The following AMBRA1 variants were observed in gnomAD, a reference collection of about 807,000 sequenced individuals.
The protein encoded by AMBRA1 is autophagy and beclin 1 regulator 1.
In AMBRA1, 47 loss-of-function variants were observed where a neutral mutation model predicts 125.4. That is an observed-to-expected ratio of 0.37 (90% CI 0.30 to 0.48). The LOEUF (loss-of-function observed/expected upper bound fraction) is 0.48. Ranked by LOEUF, AMBRA1 falls within the 20% of genes least tolerant of loss-of-function variation. AMBRA1 has a pLI of 0.99. For synonymous variants in AMBRA1, 626 were observed against 655.5 expected (o/e 0.95, Z 0.69); for missense variants, 1,331 against 1,693.4 (o/e 0.79, Z 3.76).
At chr11:46,423,136 T>C (rs1946929870) in intron 14 of AMBRA1, among the ~76,000 whole-genome samples, 1 of 152,182 alleles carries the variant, frequency 6.6e-6, no homozygotes, top group Admixed American at 6.5e-5. Context: ...TGGAAATGGA[T>C]GGCTACATAT....
rs1334542311 is a variant in AMBRA1 at position 46,397,933 on chromosome 11, T to C, written c.3414A>G (p.Ser1138=). The C allele has an allele frequency of 2.5e-6, 4 of 1,590,906 alleles. No homozygotes were observed. The highest frequency in any genetic ancestry group is 3.4e-6 in the Non-Finnish European group (4 of 1,173,060). Residue 1138 remains serine (S), a synonymous_variant, in exon 18 of 18, where the codon TCA becomes TCG. Transcript: ENST00000683756. ...AASGPGEGEG[S]EYGASGEDAL... ...CATCTTCTCCACTGGCACCATACTCTGAACCCTCACCTGGCAGATACAAAG... is the reference window on the plus strand; with the variant it reads ...CATCTTCTCCACTGGCACCATACTCCGAACCCTCACCTGGCAGATACAAAG...
At chr11:46,577,398 T>C (rs1024661524) in intron 1 of AMBRA1, among the ~76,000 whole-genome samples, 1 of 152,082 alleles carries the variant, frequency 6.6e-6, no homozygotes, top group Non-Finnish European at 1.5e-5. Context: ...TTACATGAAA[T>C]ATCCAGAATA....
intron 11 of AMBRA1, among the ~76,000 whole-genome samples, chr11:46,448,132 A>G (rs1236378839): frequency 6.6e-6 from 1 of 152,212 alleles, no homozygotes; most frequent in South Asian, 2.1e-4. Flanking sequence ...ATTAAAATAA[A>G]CTGTCTAGGC....
chr11:46,461,536 T>C lies in AMBRA1; in HGVS notation c.2522-17938A>G, dbSNP rs184844599. Among the ~76,000 whole-genome samples, 657 of 152,178 alleles carry C rather than the reference T, an allele frequency of 4.3e-3. 3 individuals are homozygous for C. The highest frequency in any genetic ancestry group is 0.015 in the African/African-American group (612 of 41,442). ...CAATCTTAAGCCTTGACCAACATAGTATGGGGGAGGTCATAATTGGCTAAA... is the reference window on the plus strand; with the variant it reads ...CAATCTTAAGCCTTGACCAACATAGCATGGGGGAGGTCATAATTGGCTAAA... On this transcript the variant is annotated intron_variant, in intron 11 of 17. Coordinates refer to ENST00000683756, the MANE Select transcript of AMBRA1 (RefSeq NM_001387011.1).
chr11:46,554,618 ACTT>A (rs1418154753), intron 1 of AMBRA1, among the ~76,000 whole-genome samples: 1 of 152,146 alleles, frequency 6.6e-6, no homozygotes, highest in Admixed American at 6.6e-5. Flanking sequence ...AGGATAAGGG[ACTT>A]CTCTCCTGAT....
intron 1 of AMBRA1, among the ~76,000 whole-genome samples, chr11:46,588,637 G>A (rs756046899): frequency 6.6e-6 from 1 of 151,464 alleles, no homozygotes; most frequent in Non-Finnish European, 1.5e-5. Context: ...ACAAAAATTA[G>A]CCAGCCACAT....
chr11:46,516,499 C>T lies in AMBRA1; in HGVS notation c.2073-3686G>A, dbSNP rs891693737. Among the ~76,000 whole-genome samples the T allele has an allele frequency of 1.3e-4, 18 of 139,910 alleles. No individual in the cohort carries two copies. In the East Asian group the frequency reaches 3.0e-3, roughly 23 times the overall value. The allele number at this position is 139,910 out of a possible 152,430, so 91.8% of individuals were successfully genotyped here. ...AGGCTGGAGTGCAGTGGCACGATCT[C>T]GGCTCACTGCAAGCTCCGCCTCCTG... On this transcript the variant is annotated intron_variant, in intron 7 of 17. Transcript: ENST00000683756.
intron 12 of AMBRA1, 123 bp downstream of exon 12, chr11:46,443,365 T>C (rs919370232): frequency 2.9e-6 from 2 of 701,402 alleles, no homozygotes; most frequent in African/African-American, 3.5e-5. Context: ...GGTGCAGAAA[T>C]GGCATGTAGA....
intron 1 of AMBRA1, among the ~76,000 whole-genome samples, chr11:46,587,937 C>G (rs1264841479): frequency 6.6e-6 from 1 of 152,086 alleles, no homozygotes; most frequent in Non-Finnish European, 1.5e-5. Flanking sequence ...CAGAAAAAAA[C>G]ACGGTACCAA....
In AMBRA1 at chr11:46,456,854, G is replaced by A. The variant is rs573764020; in HGVS notation, c.2522-13256C>T. ...CACAGGGTAATAAACACTGGGAGATGGCAGAAATGAAGATAAATGCTTTCA... is the reference window on the plus strand; with the variant it reads ...CACAGGGTAATAAACACTGGGAGATAGCAGAAATGAAGATAAATGCTTTCA... On this transcript the variant is annotated intron_variant, in intron 11 of 17. Transcript: ENST00000683756. Among the ~76,000 whole-genome samples, 21 of 152,294 alleles carry A rather than the reference G, an allele frequency of 1.4e-4. No individual in the cohort carries two copies. The East Asian group carries it at 3.9e-3, about 28-fold the overall frequency.
At chr11:46,488,015 T>C (rs1348003958) in intron 11 of AMBRA1, among the ~76,000 whole-genome samples, 1 of 152,176 alleles carries the variant, frequency 6.6e-6, no homozygotes, top group African/African-American at 2.4e-5. Context: ...AGTAGCTATA[T>C]TAATATAAGA....
intron 11 of AMBRA1, among the ~76,000 whole-genome samples, chr11:46,488,460 AC>A (rs1450004335): frequency 3.3e-5 from 5 of 149,440 alleles, no homozygotes; most frequent in African/African-American, 1.0e-4. Context: ...ACAAAACAAA[AC>A]AAAAAAAAAA....
chr11:46,525,040 C>T (rs953221645), intron 7 of AMBRA1, among the ~76,000 whole-genome samples: 2 of 152,194 alleles, frequency 1.3e-5, no homozygotes, highest in Admixed American at 1.3e-4. Context: ...TGTCTCATGC[C>T]TGTAATCCCA....
At position 46,479,332 on chromosome 11, in the gene AMBRA1, G is replaced by A. The variant is rs548957364; in HGVS notation, c.2521+14276C>T. ...TGATTTAGGCCCTTCTGTATCCATG[G>A]CCTTAGAGAGTCTTCTTCCTGGTTT... On this transcript the variant is annotated intron_variant, in intron 11 of 17. Coordinates refer to ENST00000683756, the MANE Select transcript of AMBRA1 (RefSeq NM_001387011.1). 2.6e-5 allele frequency among the ~76,000 whole-genome samples: 4 copies of A among 152,334 alleles called. No individual in the cohort carries two copies. The South Asian group carries it at 8.3e-4, about 32-fold the overall frequency.
At chr11:46,552,368 CAAAAAAAAAAAAAAAAAAAAAA>C (rs56090695) in intron 1 of AMBRA1, among the ~76,000 whole-genome samples, 3 of 11,994 alleles carry the variant, frequency 2.5e-4, no homozygotes, top group Non-Finnish European at 3.4e-4. Context: ...GACTCCATCT[CAAAAAAAAAAAAAAAAAAAAAA>C]AAAAAAAAAA....
At chr11:46,483,145 C>A (rs1950138309) in intron 11 of AMBRA1, among the ~76,000 whole-genome samples, 1 of 152,088 alleles carries the variant, frequency 6.6e-6, no homozygotes, top group Non-Finnish European at 1.5e-5. Context: ...CTGCAGTGAA[C>A]TGGGCCTATG....
chr11:46,536,230 T>G (rs1287578044), intron 7 of AMBRA1, among the ~76,000 whole-genome samples: 1 of 152,216 alleles, frequency 6.6e-6, no homozygotes, highest in East Asian at 1.9e-4. Context: ...CCAGGTAGTA[T>G]TCTAGGTAGA....
At chr11:46,533,642 C>T (rs1952322263) in intron 7 of AMBRA1, among the ~76,000 whole-genome samples, 1 of 152,188 alleles carries the variant, frequency 6.6e-6, no homozygotes, top group Non-Finnish European at 1.5e-5. Context: ...TCTCAAGACA[C>T]AAATCAATCT....
At chr11:46,560,375 G>A (rs974489017) in intron 1 of AMBRA1, among the ~76,000 whole-genome samples, 1 of 152,144 alleles carries the variant, frequency 6.6e-6, no homozygotes, top group African/African-American at 2.4e-5. Context: ...CTATAATAAG[G>A]GGGGAGAAGT....
Sources: allele counts gnomAD v4.1 joint callset (sites outside exome capture counted in the v4.1 genomes callset), GRCh38; gene constraint gnomAD v4.1.1; transcripts MANE v1.5; gene names NCBI Gene and HGNC (gene_info 2026-07-23, HGNC 2026-07-21).